Variants in PDE6D observed in about 807,000 individuals in gnomAD.
PDE6D encodes phosphodiesterase 6D.
Under a neutral mutation model 21.9 loss-of-function variants are expected in PDE6D, and 10 were observed. That is an observed-to-expected ratio of 0.46 (90% CI 0.28 to 0.78). The LOEUF (loss-of-function observed/expected upper bound fraction) is 0.78, where lower values mean the gene tolerates loss of function less well. PDE6D is among the 30% of genes least tolerant of loss of function. PDE6D has a pLI of 0.12. For missense variants in PDE6D, 139 were observed against 184.8 expected (o/e 0.75, Z 1.44); for synonymous variants, 59 against 63.5 (o/e 0.93, Z 0.34).
intron 1 of PDE6D, among the ~76,000 whole-genome samples, chr2:231,771,102 C>G (rs1354866888): frequency 4.0e-5 from 6 of 148,514 alleles, no homozygotes; most frequent in Non-Finnish European, 8.9e-5. Flanking sequence ...TTTTGAGCAA[C>G]CTCTGCCTCC....
intron 1 of PDE6D, among the ~76,000 whole-genome samples, chr2:231,762,836 C>T (rs2048942205): frequency 1.3e-5 from 2 of 152,006 alleles, no homozygotes; most frequent in Non-Finnish European, 2.9e-5. Flanking sequence ...CAGTGGCTCA[C>T]ACCTGTAATC....
At chr2:231,770,357 G>A (rs982805531) in intron 1 of PDE6D, among the ~76,000 whole-genome samples, 1 of 152,144 alleles carries the variant, frequency 6.6e-6, no homozygotes. Flanking sequence ...TCTGGAAAAT[G>A]TCTTTTTTTC....
At chr2:231,749,778 G>C (rs1312354311) in intron 1 of PDE6D, among the ~76,000 whole-genome samples, 1 of 151,996 alleles carries the variant, frequency 6.6e-6, no homozygotes, top group Non-Finnish European at 1.5e-5. Flanking sequence ...AGGTGATCCA[G>C]CTGCCTTGGC....
chr2:231,768,398 T>C (rs913118382), intron 1 of PDE6D, among the ~76,000 whole-genome samples: 3 of 152,130 alleles, frequency 2.0e-5, no homozygotes, highest in African/African-American at 7.2e-5. Context: ...CCTTTTGTTG[T>C]TGTTGTTGTT....
chr2:231,779,580 C>T lies in PDE6D; in HGVS notation c.50+1485G>A, dbSNP rs1189561327. 2.0e-5 allele frequency: 3 copies of T among 152,048 alleles called. No individual in the cohort carries two copies. In the East Asian group the frequency reaches 5.8e-4, roughly 29 times the overall value. 9.4% of individuals were successfully genotyped at this position (152,048 alleles called of 1,614,324 possible). A position where few individuals can be genotyped will look rare whatever the true frequency, so the allele number is the denominator to read the frequency against. ...AATTATTTGAGGGAAAAATAAAATC[C>T]ATGTCATAGCTTTTCCAGCACTTCA... On this transcript the variant is annotated intron_variant, in intron 1 of 4. Transcript: ENST00000287600.
At chr2:231,734,869 A>AAC (rs1295094662) in intron 4 of PDE6D, among the ~76,000 whole-genome samples, 3 of 147,248 alleles carry the variant, frequency 2.0e-5, no homozygotes, top group Non-Finnish European at 3.0e-5. Flanking sequence ...AAAAAAAAAA[A>AAC]CCCCAAAAAA....
chr2:231,758,952 C>T (rs1014962508), intron 1 of PDE6D, among the ~76,000 whole-genome samples: 3 of 152,024 alleles, frequency 2.0e-5, no homozygotes, highest in African/African-American at 4.8e-5. Context: ...CCACTAAAGC[C>T]CATACTCTAT....
chr2:231,738,112 A>G lies in PDE6D; in HGVS notation c.166T>C (p.Cys56Arg). The G allele has an allele frequency of 6.2e-7, 1 of 1,612,804 alleles. No individual in the cohort carries two copies. The highest frequency in any genetic ancestry group is 2.2e-5 in the East Asian group (1 of 44,876). ...TTAAGTTCTCGAGACACTGCCTTGCACTTGAGGATTTTCTTGGGAACACGG... is the reference window on the plus strand; with the variant it reads ...TTAAGTTCTCGAGACACTGCCTTGCGCTTGAGGATTTTCTTGGGAACACGG... ...EARVPKKILK[C>R]KAVSRELNFS... Residue 56 changes from cysteine (C) to arginine (R), a missense_variant, in exon 3 of 5, where the codon TGC (cysteine) becomes CGC (arginine). Transcript: ENST00000287600.
chr2:231,738,077 C>G lies in PDE6D; in HGVS notation c.201G>C (p.Ser67=). ...GGCGGAATTTTTCCATTTGTTCTGT[C>G]GAAGAAAAATTAAGTTCTCGAGACA... ...KAVSRELNFS[S]TEQMEKFRLE... is the part of the protein sequence containing the mutation. The change falls in exon 3 of 5, where the codon TCG becomes TCC. Residue 67 remains serine, a synonymous_variant. Transcript: ENST00000287600. 2 of 1,613,754 alleles carry G rather than the reference C, an allele frequency of 1.2e-6. No homozygotes were observed. Among genetic ancestry groups the G allele is most frequent in the African/African-American group, 2.7e-5 (2 of 74,998 alleles).
Position 231,739,357 on chromosome 2 carries a change from C to A in PDE6D, c.51-169G>T. The A allele has an allele frequency of 1.4e-6, 1 of 737,886 alleles. No homozygotes were observed. The highest frequency in any genetic ancestry group is 2.5e-6 in the Non-Finnish European group (1 of 400,410). The allele number at this position is 737,886 out of a possible 1,614,324, so 45.7% of individuals were successfully genotyped here. A position where few individuals can be genotyped will look rare whatever the true frequency, so the allele number is the denominator to read the frequency against. On this transcript the variant is annotated intron_variant, in intron 1 of 4. Coordinates refer to ENST00000287600, the MANE Select transcript of PDE6D (RefSeq NM_002601.4). The surrounding 1 kb of genome is among the most constrained non-coding windows in gnomAD (Gnocchi z 4.2). ...AATGTGAGGAGAGTCAAAAAGACATCTAAAGGAAGAAGCAGAAACCTAGAG... is the reference window on the plus strand; with the variant it reads ...AATGTGAGGAGAGTCAAAAAGACATATAAAGGAAGAAGCAGAAACCTAGAG...
chr2:231,772,517 T>C (rs1193665206), intron 1 of PDE6D, among the ~76,000 whole-genome samples: 3 of 152,170 alleles, frequency 2.0e-5, no homozygotes, highest in African/African-American at 7.2e-5. Flanking sequence ...AAGCAATTAT[T>C]AGAATAGTCA....
intron 1 of PDE6D, among the ~76,000 whole-genome samples, chr2:231,765,670 T>A (rs1465019932): frequency 1.3e-5 from 2 of 152,160 alleles, no homozygotes; most frequent in Non-Finnish European, 2.9e-5. Context: ...CCCTTCTCAT[T>A]ACTTTGGGGT....
At chr2:231,766,057 A>C (rs1295018387) in intron 1 of PDE6D, among the ~76,000 whole-genome samples, 1 of 152,184 alleles carries the variant, frequency 6.6e-6, no homozygotes, top group Non-Finnish European at 1.5e-5. Context: ...CCACCCAATA[A>C]TTTCCCAGTG....
At chr2:231,770,637 GC>G (rs1441975267) in intron 1 of PDE6D, among the ~76,000 whole-genome samples, 1 of 151,912 alleles carries the variant, frequency 6.6e-6, no homozygotes, top group Non-Finnish European at 1.5e-5. Context: ...GGGCAACATG[GC>G]AAAATCTGGT....
At position 231,781,146 on chromosome 2, in the gene PDE6D, C is replaced by G. The variant is rs1303618634; in HGVS notation, c.-32G>C. ...GCGGTCGCCGCCCGCGGCTTTCTCA[C>G]TCTGGTCGGCGGAGCCTCGCAGACG... On this transcript the variant is annotated 5_prime_UTR_variant, in exon 1 of 5. Transcript: ENST00000287600. 6.2e-7 allele frequency: 1 copy of G among 1,610,438 alleles called. No homozygotes were observed. Among genetic ancestry groups the G allele is most frequent in the Non-Finnish European group, 8.5e-7 (1 of 1,178,308 alleles).
rs765938893 is a variant in PDE6D at position 231,781,148 on chromosome 2, C to G, written c.-34G>C. ...GGTCGCCGCCCGCGGCTTTCTCACT[C>G]TGGTCGGCGGAGCCTCGCAGACGGT... is the stretch of plus-strand genomic sequence containing the variant. On this transcript the variant is annotated 5_prime_UTR_variant, in exon 1 of 5. Coordinates refer to ENST00000287600, the MANE Select transcript of PDE6D (RefSeq NM_002601.4). The G allele has an allele frequency of 4.3e-6, 7 of 1,609,740 alleles. No individual in the cohort carries two copies. Among genetic ancestry groups the G allele is most frequent in the African/African-American group, 2.7e-5 (2 of 74,812 alleles).
intron 1 of PDE6D, among the ~76,000 whole-genome samples, chr2:231,779,743 C>T (rs566449653): frequency 6.6e-6 from 1 of 152,290 alleles, no homozygotes; most frequent in Non-Finnish European, 1.5e-5. Context: ...AAAGGTGATA[C>T]AGCCTTTAGT....
chr2:231,751,847 C>T (rs1310517431), intron 1 of PDE6D, among the ~76,000 whole-genome samples: 2 of 152,170 alleles, frequency 1.3e-5, no homozygotes, highest in African/African-American at 2.4e-5. Context: ...TCAGTTTCTT[C>T]CATTGTGAAG....
In PDE6D at chr2:231,739,241, G is replaced by T; in HGVS notation, c.51-53C>A. 1.9e-6 allele frequency: 2 copies of T among 1,076,196 alleles called. No homozygotes were observed. The highest frequency in any genetic ancestry group is 2.9e-6 in the Non-Finnish European group (2 of 689,668). 66.7% of individuals were successfully genotyped at this position (1,076,196 alleles called of 1,614,324 possible). On this transcript the variant is annotated intron_variant, in intron 1 of 4. Transcript: ENST00000287600. This position sits in a 1 kb window ranked among gnomAD's most constrained non-coding sequence, Gnocchi z 4.2. Reference sequence around the variant, plus strand: ...AGGCACTGAAAGTGACTCCCACTTTGTATTCTAGGTGTCTCATGTTTACTC... The same window carrying T: ...AGGCACTGAAAGTGACTCCCACTTTTTATTCTAGGTGTCTCATGTTTACTC...
Sources: gnomAD v4.1 joint callset for allele counts (sites outside exome capture counted in the v4.1 genomes callset) on GRCh38, gnomAD v4.1.1 for gene constraint, Gnocchi (gnomAD v3.1) non-coding constraint, MANE v1.5 for transcripts, NCBI Gene and HGNC (gene_info 2026-07-23, HGNC 2026-07-21) for gene names.